CUX1: variants seen among roughly 807,000 people sequenced by gnomAD.
The protein encoded by CUX1 is protein CASP.
CUX1 carries 31 observed loss-of-function variants against 158.8 expected under a neutral mutation model. The ratio of observed to expected loss-of-function variants is 0.20; its 90% CI spans 0.15 to 0.26. The LOEUF (loss-of-function observed/expected upper bound fraction) is 0.26, where lower values mean the gene tolerates loss of function less well. CUX1 is among the 10% of genes least tolerant of loss of function. CUX1 has a pLI of 1.00. For synonymous variants in CUX1, 879 were observed against 862.1 expected, an observed-to-expected ratio of 1.02 and a Z score of -0.34; for missense variants, 1,589 against 2,014.6, an observed-to-expected ratio of 0.79 and a Z score of 4.04.
chr7:102,122,806 G>A (rs1185447630), intron 8 of CUX1, among the ~76,000 whole-genome samples: 4 of 152,154 alleles, frequency 2.6e-5, no homozygotes, highest in South Asian at 4.1e-4. Flanking sequence ...TTAGGGAAGG[G>A]CTGCTTTACT....
At chr7:102,074,904 G>A (rs1281098506) in intron 4 of CUX1, among the ~76,000 whole-genome samples, 2 of 152,158 alleles carry the variant, frequency 1.3e-5, no homozygotes, top group Admixed American at 6.5e-5. Flanking sequence ...TATCACCTGG[G>A]CTCAAGTGCA....
upstream of CUX1, chr7:101,816,071 G>T (rs775827401): frequency 7.1e-7 from 1 of 1,415,816 alleles, no homozygotes; most frequent in Admixed American, 2.0e-5. Flanking sequence ...TATTGGAAGC[G>T]CTTTGATTTA....
At chr7:102,168,923 C>CTTTTTTTTTTTTTTTTTTTT (rs1191271149) in intron 9 of CUX1, among the ~76,000 whole-genome samples, 1 of 45,054 alleles carries the variant, frequency 2.2e-5, no homozygotes, top group African/African-American at 1.6e-4. Context: ...ATTTTCTTTT[C>CTTTTTTTTTTTTTTTTTTTT]TTTTCTTTTA....
Position 102,028,080 on chromosome 7 carries a change from C to T in CUX1, c.142-18C>T, listed in dbSNP as rs762396295. On this transcript the variant is annotated intron_variant, in intron 2 of 23. Coordinates refer to ENST00000292535, the MANE Select transcript of CUX1 (RefSeq NM_181552.4). ...CCTTCTCAAATGGCTGCTTCCTGAC[C>T]TCCGCCTCCTGCTCCAGGATTTGCG... is the stretch of plus-strand genomic sequence containing the variant. 2 of 1,611,974 alleles carry T rather than the reference C, an allele frequency of 1.2e-6. No homozygotes were observed. The highest frequency in any genetic ancestry group is 1.7e-6 in the Non-Finnish European group (2 of 1,179,948).
chr7:101,966,137 T>G (rs1811174633), intron 2 of CUX1, among the ~76,000 whole-genome samples: 1 of 152,012 alleles, frequency 6.6e-6, no homozygotes, highest in Non-Finnish European at 1.5e-5. Context: ...CCATCAGGGC[T>G]CACTGCAGCC....
At chr7:102,033,869 C>A (rs186728007) in intron 3 of CUX1, among the ~76,000 whole-genome samples, 1 of 152,054 alleles carries the variant, frequency 6.6e-6, no homozygotes, top group Non-Finnish European at 1.5e-5. Context: ...TTATTGGCCA[C>A]GCATGGTGGC....
At chr7:101,942,146 C>T (rs1380372014) in intron 2 of CUX1, among the ~76,000 whole-genome samples, 1 of 151,994 alleles carries the variant, frequency 6.6e-6, no homozygotes, top group Non-Finnish European at 1.5e-5. Flanking sequence ...AGGTTTAGCT[C>T]GAGGGTTGGA....
intron 23 of CUX1, among the ~76,000 whole-genome samples, chr7:102,245,972 CAA>C (rs61702654): frequency 2.6e-5 from 3 of 113,624 alleles, no homozygotes; most frequent in Admixed American, 9.3e-5. Context: ...ACTCCCTTCT[CAA>C]AAAAAAAAAA....
chr7:101,954,136 G>A (rs905895879), intron 2 of CUX1, among the ~76,000 whole-genome samples: 1 of 152,160 alleles, frequency 6.6e-6, no homozygotes, highest in Non-Finnish European at 1.5e-5. Context: ...TGTCTGAGAC[G>A]CCTGAGACAG....
At chr7:101,928,432 G>A (rs1379090212) in intron 2 of CUX1, among the ~76,000 whole-genome samples, 3 of 148,102 alleles carry the variant, frequency 2.0e-5, no homozygotes, top group Non-Finnish European at 3.0e-5. Flanking sequence ...GTGCAGTGGC[G>A]CGATCTTGGC....
At chr7:101,824,376 G>C (rs1290198037) in intron 1 of CUX1, 1 of 152,194 alleles carries the variant, frequency 6.6e-6, no homozygotes, top group Non-Finnish European at 1.5e-5. Flanking sequence ...GGTGTGAGCC[G>C]CCGTGCCTGG....
Position 102,249,488 on chromosome 7 carries a change from T to A in CUX1, c.*446T>A. The A allele has an allele frequency of 1.0e-6, 1 of 985,980 alleles. No individual in the cohort carries two copies. The highest frequency in any genetic ancestry group is 1.2e-6 in the Non-Finnish European group (1 of 829,972). 61.1% of individuals were successfully genotyped at this position (985,980 alleles called of 1,614,324 possible). On this transcript the variant is annotated 3_prime_UTR_variant, in exon 24 of 24. Transcript: ENST00000292535. The stretch of plus-strand genomic sequence containing the variant: ...GCTTTTTTGTACCCTGAAGTGTTTT[T>A]TTTATTGCCCTAAGTGATTTCCACA...
chr7:102,136,392 C>CA (rs1554498769), intron 8 of CUX1, among the ~76,000 whole-genome samples: 19 of 146,366 alleles, frequency 1.3e-4, no homozygotes, highest in African/African-American at 4.7e-4. Flanking sequence ...ATTTTACCAA[C>CA]TTTTTTTTTT....
intron 1 of CUX1, among the ~76,000 whole-genome samples, 161 bp from the exon 2 acceptor site, chr7:101,915,954 T>C (rs1804143952): frequency 6.6e-6 from 1 of 152,120 alleles, no homozygotes; most frequent in Non-Finnish European, 1.5e-5. Context: ...TTCATTTCTC[T>C]GCCTTCCCGC....
intron 17 of CUX1, chr7:102,277,857 T>C (rs1554548062): frequency 1.2e-5 from 9 of 723,632 alleles, no homozygotes; most frequent in Non-Finnish European, 2.0e-5. Context: ...GAGAAGGCTG[T>C]GGGCACAGAA....
chr7:101,877,460 G>A (rs1444512241), intron 1 of CUX1, among the ~76,000 whole-genome samples: 1 of 152,218 alleles, frequency 6.6e-6, no homozygotes, highest in Non-Finnish European at 1.5e-5. Flanking sequence ...GCCAAGGAAG[G>A]CGGATCACTT....
At chr7:102,110,924 C>G (rs1234963765) in intron 6 of CUX1, among the ~76,000 whole-genome samples, 2 of 152,062 alleles carry the variant, frequency 1.3e-5, no homozygotes, top group African/African-American at 4.8e-5. Flanking sequence ...TGATTACATC[C>G]CTGAGTGTCC....
intron 11 of CUX1, 86 bp downstream of exon 11, chr7:102,178,743 C>A: frequency 7.1e-7 from 1 of 1,407,552 alleles, no homozygotes; most frequent in Non-Finnish European, 9.6e-7. Context: ...CTCTGCCTTT[C>A]TGGACTTGAT....
chr7:102,060,250 C>T (rs1031818870), intron 3 of CUX1, among the ~76,000 whole-genome samples: 1 of 151,606 alleles, frequency 6.6e-6, no homozygotes, highest in Non-Finnish European at 1.5e-5. Flanking sequence ...TGCACTCCAG[C>T]CTGGGAGACA....
Sources: gnomAD v4.1 joint callset for allele counts (sites outside exome capture counted in the v4.1 genomes callset) on GRCh38, gnomAD v4.1.1 for gene constraint, MANE v1.5 for transcripts, NCBI Gene and HGNC (gene_info 2026-07-23, HGNC 2026-07-21) for gene names.